PRDM5: variants seen among roughly 807,000 people sequenced by gnomAD.
PRDM5 encodes the protein PR/SET domain 5, also known as PR domain zinc finger protein 5.
In PRDM5, 56 loss-of-function variants were observed where a neutral mutation model predicts 81.2. The ratio of observed to expected loss-of-function variants is 0.69; its 90% confidence interval spans 0.56 to 0.86. PRDM5 has a LOEUF of 0.86. PRDM5 is among the 40% of genes least tolerant of loss of function. The pLI is 0.00. For synonymous variants in PRDM5, 267 were observed against 256.4 expected (o/e 1.04, Z -0.39); for missense variants, 697 against 770.1 (o/e 0.91, Z 1.12).
At chr4:120,861,292 G>A (rs573030978) in intron 2 of PRDM5, among the ~76,000 whole-genome samples, 23 of 152,248 alleles carry the variant, frequency 1.5e-4, no homozygotes, top group Admixed American at 9.8e-4. Context: ...ATAGGCATGA[G>A]CTATCATGAC....
At chr4:120,790,660 A>G (rs750202350) in intron 10 of PRDM5, among the ~76,000 whole-genome samples, 1 of 152,244 alleles carries the variant, frequency 6.6e-6, no homozygotes, top group African/African-American at 2.4e-5. Context: ...TAAATATTAA[A>G]GCCAGTTCCT....
chr4:120,888,223 A>T (rs1026799441), intron 2 of PRDM5, among the ~76,000 whole-genome samples: 1 of 152,240 alleles, frequency 6.6e-6, no homozygotes, highest in African/African-American at 2.4e-5. Context: ...AAACACAGCC[A>T]TATAGCTATC....
chr4:120,693,727 C>T lies in PRDM5; in HGVS notation c.*1384G>A, dbSNP rs1365031563. On this transcript the variant is annotated 3_prime_UTR_variant, in exon 16 of 16. Coordinates refer to ENST00000264808, the MANE Select transcript of PRDM5 (RefSeq NM_018699.4). ...AACCTTTCTCCTTAACTCATTAGAA[C>T]CAAATAACTTCCTTAAAACTATACT... The T allele has an allele frequency of 6.6e-6, 1 of 152,052 alleles. No homozygotes were observed. The highest frequency in any genetic ancestry group is 1.5e-5 in the Non-Finnish European group (1 of 67,990). 9.4% of individuals were successfully genotyped at this position (152,052 alleles called of 1,614,324 possible).
downstream of PRDM5, among the ~76,000 whole-genome samples, chr4:120,688,745 T>C (rs994835942): frequency 1.3e-5 from 2 of 152,154 alleles, no homozygotes; most frequent in African/African-American, 2.4e-5. Context: ...CACTGTGTAG[T>C]CTTAGCTCTC....
At chr4:120,725,385 T>C (rs1043658682) in intron 14 of PRDM5, among the ~76,000 whole-genome samples, 1 of 151,748 alleles carries the variant, frequency 6.6e-6, no homozygotes, top group Non-Finnish European at 1.5e-5. Context: ...CAGGCAGATA[T>C]ATACTTCACA....
intron 14 of PRDM5, among the ~76,000 whole-genome samples, chr4:120,744,705 C>G (rs887546824): frequency 2.6e-5 from 4 of 151,446 alleles, no homozygotes; most frequent in African/African-American, 4.9e-5. Context: ...TTCCTTGACA[C>G]ATACACTCTC....
chr4:120,690,849 G>A (rs1296377058), downstream of PRDM5, among the ~76,000 whole-genome samples: 1 of 151,998 alleles, frequency 6.6e-6, no homozygotes, highest in African/African-American at 2.4e-5. Flanking sequence ...AGCTTCAGTG[G>A]TCCTATATGC....
At chr4:120,734,609 C>T (rs1387403189) in intron 14 of PRDM5, among the ~76,000 whole-genome samples, 1 of 152,122 alleles carries the variant, frequency 6.6e-6, no homozygotes, top group Admixed American at 6.5e-5. Context: ...AATGCTGAAA[C>T]GCTTCCCTTC....
At chr4:120,824,833 C>A (rs1755750739) in intron 3 of PRDM5, among the ~76,000 whole-genome samples, 1 of 151,954 alleles carries the variant, frequency 6.6e-6, no homozygotes, top group Non-Finnish European at 1.5e-5. Context: ...GTATGTAAAT[C>A]AATATGCCCA....
At chr4:120,888,666 G>A (rs1217930876) in intron 2 of PRDM5, among the ~76,000 whole-genome samples, 1 of 152,088 alleles carries the variant, frequency 6.6e-6, no homozygotes, top group Non-Finnish European at 1.5e-5. Flanking sequence ...TTCAGCTCTA[G>A]TAGATACCAC....
chr4:120,837,550 T>C (rs984237430), intron 3 of PRDM5: 3 of 152,186 alleles, frequency 2.0e-5, no homozygotes, highest in Admixed American at 2.0e-4. Context: ...ATGTTGCATG[T>C]GAAATATTTG....
chr4:120,900,051 G>A (rs780919359), intron 2 of PRDM5, among the ~76,000 whole-genome samples: 11 of 152,158 alleles, frequency 7.2e-5, no homozygotes, highest in Admixed American at 4.6e-4. Context: ...AAGAAGGGAC[G>A]CAAAGCTTCC....
intron 2 of PRDM5, chr4:120,897,191 C>G (rs1261805392): frequency 1.3e-5 from 2 of 152,028 alleles, no homozygotes; most frequent in Non-Finnish European, 2.9e-5. Flanking sequence ...AGAATCAGGT[C>G]ACATTTGGAA....
rs1759527928 is a variant in PRDM5 at position 120,853,530 on chromosome 4, C to G, written c.188G>C (p.Ser63Thr). ...CAAAATGTACAAAACTTCTCCCTTA[C>G]TCCCACGAACCTGAAACATTAAAGG... Reference protein sequence around the residue: ...DYRLMWEVRGSKGEVLYILDA... With the variant: ...DYRLMWEVRGTKGEVLYILDA... Residue 63 changes from serine (S) to threonine (T), a missense_variant, in exon 3 of 16, where the codon AGT becomes ACT. Physicochemically the swap from Ser to Thr is moderately conservative, Grantham distance 58 (BLOSUM62 1). This residue lies in a region of PRDM5 where 577 missense variants were observed against 606.7 expected (regional missense o/e 0.95). Coordinates refer to ENST00000264808, the MANE Select transcript of PRDM5 (RefSeq NM_018699.4). 6.2e-7 allele frequency: 1 copy of G among 1,613,524 alleles called. No homozygotes were observed. Among genetic ancestry groups the G allele is most frequent in the African/African-American group, 1.3e-5 (1 of 74,856 alleles).
chr4:120,714,604 T>C (rs183024076), intron 14 of PRDM5, among the ~76,000 whole-genome samples: 1 of 152,340 alleles, frequency 6.6e-6, no homozygotes, highest in Non-Finnish European at 1.5e-5. Flanking sequence ...CTTTATCTGA[T>C]AAAGCATTAT....
At chr4:120,718,822 T>G (rs987178208) in intron 14 of PRDM5, among the ~76,000 whole-genome samples, 4 of 152,202 alleles carry the variant, frequency 2.6e-5, no homozygotes, top group African/African-American at 9.7e-5. Flanking sequence ...CATTACAAAC[T>G]GTGGCATAGA....
At chr4:120,895,118 A>G (rs1312067955) in intron 2 of PRDM5, among the ~76,000 whole-genome samples, 1 of 152,220 alleles carries the variant, frequency 6.6e-6, no homozygotes, top group South Asian at 2.1e-4. Context: ...AATCCTTTAG[A>G]GAAAGTAAAA....
chr4:120,767,280 A>T (rs1053822451), intron 13 of PRDM5, among the ~76,000 whole-genome samples: 5 of 152,212 alleles, frequency 3.3e-5, no homozygotes, highest in African/African-American at 9.6e-5. Flanking sequence ...TTTAAAAAAA[A>T]AATAATATGT....
intron 1 of PRDM5, among the ~76,000 whole-genome samples, chr4:120,916,652 G>C (rs1344131074): frequency 6.6e-6 from 1 of 152,118 alleles, no homozygotes; most frequent in African/African-American, 2.4e-5. Flanking sequence ...CTGTCTAACA[G>C]ACATCTCAAA....
Sources: gnomAD v4.1 joint callset for allele counts (sites outside exome capture counted in the v4.1 genomes callset) on GRCh38, gnomAD v4.1.1 for gene constraint, gnomAD v4.1.1 regional missense constraint, MANE v1.5 for transcripts, NCBI Gene and HGNC (gene_info 2026-07-23, HGNC 2026-07-21) for gene names.